The following ATXN8OS variants were observed in gnomAD, a reference collection of about 807,000 sequenced individuals.
The protein encoded by ATXN8OS is ATXN8 opposite strand (non-protein coding).
At chr13:70,108,612 T>A (rs892419788) in intron 1 of ATXN8OS, 4 of 152,228 alleles carry the variant, frequency 2.6e-5, no homozygotes, top group African/African-American at 9.7e-5. Flanking sequence ...TGCGTGGGTC[T>A]TGTCACCTTT....
intron 2 of ATXN8OS, among the ~76,000 whole-genome samples, chr13:70,123,764 T>C (rs1348763516): frequency 6.6e-6 from 1 of 152,130 alleles, no homozygotes; most frequent in East Asian, 1.9e-4. Flanking sequence ...CAGAAAATTC[T>C]CATAATAAAT....
intron 3 of ATXN8OS, among the ~76,000 whole-genome samples, chr13:70,135,860 C>T (rs1888606768): frequency 6.6e-6 from 1 of 152,082 alleles, no homozygotes; most frequent in African/African-American, 2.4e-5. Flanking sequence ...ACAAAACTAC[C>T]AGTGGTAAAT....
intron 4 of ATXN8OS, among the ~76,000 whole-genome samples, chr13:70,165,316 G>C (rs1427787175): frequency 6.6e-6 from 1 of 151,818 alleles, no homozygotes; most frequent in East Asian, 1.9e-4. Flanking sequence ...AGAAGAAATA[G>C]TGATGAAAAT....
chr13:70,170,075 G>T (rs1889127639), exon 5 of ATXN8OS, among the ~76,000 whole-genome samples: 1 of 152,120 alleles, frequency 6.6e-6, no homozygotes, highest in South Asian at 2.1e-4. Context: ...CACTCACAAA[G>T]TAATTTTTAC....
intron 2 of ATXN8OS, among the ~76,000 whole-genome samples, chr13:70,124,335 A>G (rs1888399252): frequency 6.6e-6 from 1 of 152,092 alleles, no homozygotes; most frequent in Non-Finnish European, 1.5e-5. Context: ...ATATAAGTAA[A>G]TAATGTCACG....
At chr13:70,149,384 A>G (rs916144407) in intron 4 of ATXN8OS, among the ~76,000 whole-genome samples, 1 of 152,156 alleles carries the variant, frequency 6.6e-6, no homozygotes, top group African/African-American at 2.4e-5. Context: ...AATTATGTAT[A>G]TATTTTTACT....
intron 4 of ATXN8OS, among the ~76,000 whole-genome samples, chr13:70,168,533 G>A (rs147033530): frequency 2.1e-3 from 309 of 150,296 alleles, no homozygotes; most frequent in African/African-American, 7.0e-3. Flanking sequence ...CCCGCCCCAC[G>A]CATATGCACC....
rs866784407 is a variant in ATXN8OS at position 70,160,847 on chromosome 13, T to A, written n.574-8906T>A. 6.6e-4 allele frequency among the ~76,000 whole-genome samples: 94 copies of A among 143,080 alleles called. 1 individual carries two copies. Among genetic ancestry groups the A allele is most frequent in the African/African-American group, 2.3e-3 (91 of 38,942 alleles). 93.9% of individuals were successfully genotyped at this position (143,080 alleles called of 152,430 possible). On this transcript the variant is annotated intron_variant and non_coding_transcript_variant, in intron 4 of 4. Transcript: ENST00000678624. ...TATATATTTATATATATAAATATAT[T>A]TATATTTTATGTCTCTTTATTCAAA...
chr13:70,155,815 A>G (rs1888928816), intron 4 of ATXN8OS, among the ~76,000 whole-genome samples: 1 of 151,714 alleles, frequency 6.6e-6, no homozygotes, highest in African/African-American at 2.4e-5. Flanking sequence ...AAATGAAAAG[A>G]AAAAAAGGAT....
intron 4 of ATXN8OS, among the ~76,000 whole-genome samples, chr13:70,150,913 G>A (rs1052440706): frequency 6.6e-6 from 1 of 152,030 alleles, no homozygotes; most frequent in Non-Finnish European, 1.5e-5. Flanking sequence ...ATTTTACTAA[G>A]TTGCTCAAAG....
chr13:70,136,199 C>A (rs944147848), intron 3 of ATXN8OS, among the ~76,000 whole-genome samples: 10 of 152,142 alleles, frequency 6.6e-5, no homozygotes, highest in African/African-American at 2.4e-4. Flanking sequence ...AGAAATCTGG[C>A]TATTTGTTAT....
At chr13:70,107,708 C>T, upstream of ATXN8OS, 1 of 1,512,686 alleles carries the variant, frequency 6.6e-7, no homozygotes, top group Non-Finnish European at 8.8e-7. Context: ...ATGCTTTACG[C>T]ACAGAAGGCA....
intron 3 of ATXN8OS, among the ~76,000 whole-genome samples, chr13:70,138,154 C>T (rs1888645293): frequency 6.6e-6 from 1 of 152,170 alleles, no homozygotes; most frequent in African/African-American, 2.4e-5. Flanking sequence ...AGAGCCAGAC[C>T]ATATCGCTTG....
chr13:70,132,550 T>C (rs903159863), intron 3 of ATXN8OS, among the ~76,000 whole-genome samples: 2 of 152,014 alleles, frequency 1.3e-5, no homozygotes, highest in African/African-American at 2.4e-5. Flanking sequence ...ATTCTTATCC[T>C]AAACCTTAGC....
chr13:70,153,014 C>CTGTG (rs66574752), intron 4 of ATXN8OS, among the ~76,000 whole-genome samples: 8,182 of 141,694 alleles, frequency 0.058, 459 homozygotes, highest in African/African-American at 0.13. Flanking sequence ...TAAGAAAAAA[C>CTGTG]TGTGTGTGTG....
At chr13:70,150,483 T>C (rs981015813) in intron 4 of ATXN8OS, among the ~76,000 whole-genome samples, 2 of 152,094 alleles carry the variant, frequency 1.3e-5, no homozygotes, top group Non-Finnish European at 2.9e-5. Context: ...AAAGAGATTA[T>C]AGTTTTCTAT....
chr13:70,133,352 C>T (rs1404073469), intron 3 of ATXN8OS, among the ~76,000 whole-genome samples: 1 of 152,174 alleles, frequency 6.6e-6, no homozygotes, highest in East Asian at 1.9e-4. Flanking sequence ...CCTAGGAGTT[C>T]AAAGCTGCAG....
At chr13:70,141,298 T>C (rs547295222) in intron 3 of ATXN8OS, among the ~76,000 whole-genome samples, 10 of 152,294 alleles carry the variant, frequency 6.6e-5, no homozygotes, top group African/African-American at 1.9e-4. Flanking sequence ...ATAGTGTCTG[T>C]AGTTTGAATA....
rs1465799132 is a variant in ATXN8OS at position 70,145,928 on chromosome 13, A to G, written n.500-1427A>G. Among the ~76,000 whole-genome samples the G allele has an allele frequency of 3.3e-5, 5 of 149,436 alleles. No homozygotes were observed. The South Asian group carries it at 6.5e-4, about 20-fold the overall frequency. On this transcript the variant is annotated intron_variant and non_coding_transcript_variant, in intron 3 of 4. Transcript: ENST00000678624. ...TTGACAAATGGGATCTAATTAAACT[A>G]AAGAGCTTCTGCACAGCAAAAGAAA... is the stretch of plus-strand genomic sequence containing the variant.
Sources: gnomAD v4.1 joint callset for allele counts (sites outside exome capture counted in the v4.1 genomes callset) on GRCh38, gnomAD v4.1.1 for gene constraint, MANE v1.5 for transcripts, NCBI Gene and HGNC (gene_info 2026-07-23, HGNC 2026-07-21) for gene names.